Variants in TSPAN17 observed in about 807,000 individuals in gnomAD.
TSPAN17 encodes tetraspanin-17.
TSPAN17 carries 33 observed loss-of-function variants against 40.5 expected under a neutral mutation model. That is an observed-to-expected ratio of 0.81 (90% CI 0.62 to 1.09). The LOEUF is 1.09. Ranked by LOEUF, TSPAN17 falls within the 50% of genes least tolerant of loss-of-function variation. The pLI is 0.00. For missense variants in TSPAN17, 365 were observed against 416.8 expected (o/e 0.88, Z 1.08); for synonymous variants, 166 against 169.4 (o/e 0.98, Z 0.15).
chr5:176,654,632 A>C lies in TSPAN17; in HGVS notation c.457-263A>C. 1 of 466,586 alleles carries C rather than the reference A, an allele frequency of 2.1e-6. No individual in the cohort carries two copies. Among genetic ancestry groups the C allele is most frequent in the Non-Finnish European group, 3.9e-6 (1 of 257,338 alleles). The allele number at this position is 466,586 out of a possible 1,614,324, so 28.9% of individuals were successfully genotyped here. ...AGGAAGCCACAGTCATTGAACCAGT[A>C]TCCTTGTCCCACTCCCTCCCTTTTT... On this transcript the variant is annotated intron_variant, in intron 4 of 8. Coordinates refer to ENST00000508164, the MANE Select transcript of TSPAN17 (RefSeq NM_130465.5). This position sits in a 1 kb window ranked among gnomAD's most constrained non-coding sequence, Gnocchi z 4.3.
Position 176,652,781 on chromosome 5 carries a change from G to A in TSPAN17, c.324G>A (p.Leu108=), listed in dbSNP as rs1203805891. The A allele has an allele frequency of 1.2e-6, 2 of 1,614,080 alleles. No individual in the cohort carries two copies. The highest frequency in any genetic ancestry group is 1.7e-6 in the Non-Finnish European group (2 of 1,179,992). The change falls in exon 4 of 9, where the codon CTG becomes CTA. Residue 108 remains leucine (L), a synonymous_variant. Coordinates refer to ENST00000508164, the MANE Select transcript of TSPAN17 (RefSeq NM_130465.5). ...VFLGLIFFLE[L]ATGILAFVFK... is the part of the protein sequence containing the mutation. Reference sequence around the variant, plus strand: ...TCGGTCTCATCTTCTTCCTGGAGCTGGCAACAGGGATCCTGGCCTTTGTCT... The same window carrying A: ...TCGGTCTCATCTTCTTCCTGGAGCTAGCAACAGGGATCCTGGCCTTTGTCT...
chr5:176,651,565 A>T lies in TSPAN17; in HGVS notation c.88-51A>T. The T allele has an allele frequency of 6.4e-7, 1 of 1,557,862 alleles. No individual in the cohort carries two copies. Among genetic ancestry groups the T allele is most frequent in the Non-Finnish European group, 8.7e-7 (1 of 1,149,558 alleles). On this transcript the variant is annotated intron_variant, in intron 1 of 8. Coordinates refer to ENST00000508164, the MANE Select transcript of TSPAN17 (RefSeq NM_130465.5). This position sits in a 1 kb window ranked among gnomAD's most constrained non-coding sequence, Gnocchi z 4.5. ...GGCTACCGGGGAAGGATGAGGGGGG[A>T]GGGTCCTGGGGCTGCTCCCAGCCCT...
Position 176,656,834 on chromosome 5 carries a change from C to A in TSPAN17, c.747+18C>A, listed in dbSNP as rs756607290. The A allele has an allele frequency of 6.2e-7, 1 of 1,614,120 alleles. No individual in the cohort carries two copies. The highest frequency in any genetic ancestry group is 8.5e-7 in the Non-Finnish European group (1 of 1,179,950). ...TCCTCCAGGTACCCTTGTGGCCCCA[C>A]GTGCCCCTCCCCTTGCCGGGGCCGC... is the stretch of plus-strand genomic sequence containing the variant. On this transcript the variant is annotated intron_variant, in intron 7 of 8. Coordinates refer to ENST00000508164, the MANE Select transcript of TSPAN17 (RefSeq NM_130465.5).
intron 6 of TSPAN17, 31 bp from the exon 7 acceptor site, chr5:176,656,669 T>C (rs753359356): frequency 6.2e-7 from 1 of 1,608,674 alleles, no homozygotes; most frequent in African/African-American, 1.3e-5. Flanking sequence ...GAAGGGCAGG[T>C]AGGCTGAGCC....
intron 1 of TSPAN17, among the ~76,000 whole-genome samples, chr5:176,649,439 T>C (rs1348005698): frequency 6.6e-6 from 1 of 151,434 alleles, no homozygotes. Context: ...TTTCTTTTTT[T>C]TTTTTGAGAC....
intron 1 of TSPAN17, among the ~76,000 whole-genome samples, chr5:176,648,907 T>G (rs189888221): frequency 6.6e-6 from 1 of 152,240 alleles, no homozygotes; most frequent in East Asian, 1.9e-4. Context: ...TTACCTAGGG[T>G]CACACAGCCA....
At chr5:176,648,915 C>A (rs894978606) in intron 1 of TSPAN17, among the ~76,000 whole-genome samples, 2 of 152,126 alleles carry the variant, frequency 1.3e-5, no homozygotes, top group African/African-American at 4.8e-5. Context: ...GGTCACACAG[C>A]CAGAAAGTAC....
Position 176,651,891 on chromosome 5 carries a change from G to C in TSPAN17, c.276G>C (p.Leu92=), listed in dbSNP as rs1760980954. ...CIGALRENTF[L]LKFFSVFLGL... ...GGGCCCTCCGGGAGAACACCTTCCT[G>C]CTCAAGTTTGTGAGTGCTGCCCTCA... The change falls in exon 3 of 9, where the codon CTG becomes CTC. Residue 92 remains leucine (L), a synonymous_variant. Transcript: ENST00000508164. This position sits in a 1 kb window ranked among gnomAD's most constrained non-coding sequence, Gnocchi z 4.5. 2 of 1,613,830 alleles carry C rather than the reference G, an allele frequency of 1.2e-6. No homozygotes were observed. Among genetic ancestry groups the C allele is most frequent in the South Asian group, 2.2e-5 (2 of 91,080 alleles).
chr5:176,653,026 C>A (rs1023152496), intron 4 of TSPAN17, 113 bp downstream of exon 4: 6 of 1,201,638 alleles, frequency 5.0e-6, no homozygotes, highest in South Asian at 1.4e-5. Context: ...GGCTAGCGGG[C>A]CCCAGGAGAG....
chr5:176,654,756 T>C lies in TSPAN17; in HGVS notation c.457-139T>C. The C allele has an allele frequency of 1.9e-6, 2 of 1,077,646 alleles. No homozygotes were observed. The highest frequency in any genetic ancestry group is 2.6e-6 in the Non-Finnish European group (2 of 758,266). The allele number at this position is 1,077,646 out of a possible 1,614,324, so 66.8% of individuals were successfully genotyped here. A position where few individuals can be genotyped will look rare whatever the true frequency, so the allele number is the denominator to read the frequency against. ...GAGGTTGGGCCCAGGCCTGTGGGGG[T>C]GGGGAGGTGGCCACCCACTTGGCTG... On this transcript the variant is annotated intron_variant, in intron 4 of 8. Transcript: ENST00000508164. This position sits in a 1 kb window ranked among gnomAD's most constrained non-coding sequence, Gnocchi z 4.3.
rs1760960212 is a variant in TSPAN17 at position 176,651,475 on chromosome 5, T to C, written c.88-141T>C. 5 of 863,902 alleles carry C rather than the reference T, an allele frequency of 5.8e-6. No homozygotes were observed. Among genetic ancestry groups the C allele is most frequent in the Non-Finnish European group, 6.9e-6 (4 of 575,742 alleles). The allele number at this position is 863,902 out of a possible 1,614,324, so 53.5% of individuals were successfully genotyped here. On this transcript the variant is annotated intron_variant, in intron 1 of 8. Transcript: ENST00000508164. This position sits in a 1 kb window ranked among gnomAD's most constrained non-coding sequence, Gnocchi z 4.5. ...GCACTGGGATGTGTTCTTGGGAAGA[T>C]GGAAAGGACCCCGGATCCCGTTCAC...
intron 1 of TSPAN17, among the ~76,000 whole-genome samples, chr5:176,648,502 C>T (rs1241360558): frequency 1.3e-5 from 2 of 152,262 alleles, no homozygotes; most frequent in South Asian, 4.1e-4. Flanking sequence ...AGTCTCTGCT[C>T]CTGAGGCCTT....
rs767001896 is a variant in TSPAN17 at position 176,652,854 on chromosome 5, G to C, written c.397G>C (p.Val133Leu). The change falls in exon 4 of 9, where the codon GTC (valine) becomes CTC (leucine). Residue 133 changes from valine to leucine, a missense_variant. Coordinates refer to ENST00000508164, the MANE Select transcript of TSPAN17 (RefSeq NM_130465.5). ...GCTCAACCTCTTCATCAACAACAACGTCAAGGCCTACCGGGACGACATTGA... is the reference window on the plus strand; with the variant it reads ...GCTCAACCTCTTCATCAACAACAACCTCAAGGCCTACCGGGACGACATTGA... ...DQLNLFINNN[V>L]KAYRDDIDLQ... 1.9e-6 allele frequency: 3 copies of C among 1,614,170 alleles called. No individual in the cohort carries two copies. The South Asian group carries it at 3.3e-5, about 18-fold the overall frequency.
In TSPAN17 at chr5:176,656,173, G is replaced by A. The variant is rs950789218; in HGVS notation, c.630+48G>A. 6 of 1,605,006 alleles carry A rather than the reference G, an allele frequency of 3.7e-6. No homozygotes were observed. In the Admixed American group the frequency reaches 1.0e-4, roughly 27 times the overall value. On this transcript the variant is annotated intron_variant, in intron 6 of 8. Coordinates refer to ENST00000508164, the MANE Select transcript of TSPAN17 (RefSeq NM_130465.5). ...TGGGGCAGGCAGGCAGGGGTACTGGGTTGGGTATGAGAGTGTCTATAACCT... is the reference window on the plus strand; with the variant it reads ...TGGGGCAGGCAGGCAGGGGTACTGGATTGGGTATGAGAGTGTCTATAACCT...
chr5:176,652,205 C>A (rs575789343), intron 3 of TSPAN17, among the ~76,000 whole-genome samples: 1 of 152,198 alleles, frequency 6.6e-6, no homozygotes, highest in Admixed American at 6.5e-5. Flanking sequence ...GTTTCTCGGG[C>A]TCCCCCCGTT....
Position 176,656,223 on chromosome 5 carries a change from T to G in TSPAN17, c.630+98T>G, listed in dbSNP as rs1761151634. On this transcript the variant is annotated intron_variant, in intron 6 of 8. Transcript: ENST00000508164. ...TCCTCTGGAAGGCCTCAGGGATTCT[T>G]TGGGGAGAGGGTGCTGAGTCCCAGG... is the stretch of plus-strand genomic sequence containing the variant. 3 of 1,341,888 alleles carry G rather than the reference T, an allele frequency of 2.2e-6. No homozygotes were observed. In the East Asian group the frequency reaches 7.0e-5, roughly 31 times the overall value. 83.1% of individuals were successfully genotyped at this position (1,341,888 alleles called of 1,614,324 possible).
Position 176,647,513 on chromosome 5 carries a change from A to T in TSPAN17, c.-103A>T. The T allele has an allele frequency of 1.2e-6, 1 of 837,750 alleles. No individual in the cohort carries two copies. The highest frequency in any genetic ancestry group is 1.6e-6 in the Non-Finnish European group (1 of 606,598). The allele number at this position is 837,750 out of a possible 1,614,324, so 51.9% of individuals were successfully genotyped here. ...TGTGTGGCCGAGGCCATGAAGCCGC[A>T]GCCGCCCGGCTAGGCCCCGGGCGGC... On this transcript the variant is annotated 5_prime_UTR_variant, in exon 1 of 9. Transcript: ENST00000508164.
Position 176,650,240 on chromosome 5 carries a change from TGGAAGACGAGCGTGAGGA to T in TSPAN17, c.88-1369_88-1352del, listed in dbSNP as rs1760917786. Among the ~76,000 whole-genome samples the T allele has an allele frequency of 6.6e-6, 1 of 152,018 alleles. No homozygotes were observed. The highest frequency in any genetic ancestry group is 1.5e-5 in the Non-Finnish European group (1 of 68,004). On this transcript the variant is annotated intron_variant, in intron 1 of 8. Coordinates refer to ENST00000508164, the MANE Select transcript of TSPAN17 (RefSeq NM_130465.5). This position sits in a 1 kb window ranked among gnomAD's most constrained non-coding sequence, Gnocchi z 4.0. ...GGGAGATGCCAGCGTCATGATGGGA[TGGAAGACGAGCGTGAGGA>T]GGAAGAACGGCAGAAGGCTGAGGCT...
chr5:176,647,723 T>G, intron 1 of TSPAN17, 21 bp downstream of exon 1: 2 of 1,568,458 alleles, frequency 1.3e-6, no homozygotes, highest in Non-Finnish European at 1.7e-6. Context: ...GGTCTGCGCC[T>G]TGCCCTGTGC....
Sources: gnomAD v4.1 joint callset for allele counts (sites outside exome capture counted in the v4.1 genomes callset) on GRCh38, gnomAD v4.1.1 for gene constraint, Gnocchi (gnomAD v3.1) non-coding constraint, MANE v1.5 for transcripts, NCBI Gene and HGNC (gene_info 2026-07-23, HGNC 2026-07-21) for gene names.